Variants in DNM3 observed in about 807,000 individuals in gnomAD.
DNM3 encodes dynamin 3, also known as dynamin-3.
Under a neutral mutation model 101.6 loss-of-function variants are expected in DNM3, and 47 were observed. That is an observed-to-expected ratio of 0.46 (90% CI 0.37 to 0.59). The LOEUF (loss-of-function observed/expected upper bound fraction) is 0.59. Ranked by LOEUF, DNM3 falls within the 20% of genes least tolerant of loss-of-function variation. The pLI is 0.00. For synonymous variants in DNM3, 385 were observed against 387.9 expected, an observed-to-expected ratio of 0.99 and a Z score of 0.09; for missense variants, 849 against 1,085.7, an observed-to-expected ratio of 0.78 and a Z score of 3.06.
At chr1:172,314,564 A>T (rs1424070245) in intron 16 of DNM3, among the ~76,000 whole-genome samples, 1 of 152,198 alleles carries the variant, frequency 6.6e-6, no homozygotes, top group Non-Finnish European at 1.5e-5. Context: ...GGGCTTAGGA[A>T]ACGGTGCACC....
At chr1:172,060,274 A>C (rs1301163960) in intron 10 of DNM3, among the ~76,000 whole-genome samples, 2 of 124,596 alleles carry the variant, frequency 1.6e-5, no homozygotes, top group Non-Finnish European at 1.6e-5. Flanking sequence ...ATACTGCCCA[A>C]GGTAATTCAC....
intron 2 of DNM3, among the ~76,000 whole-genome samples, chr1:171,959,433 T>A (rs1382762543): frequency 6.6e-6 from 1 of 152,146 alleles, no homozygotes; most frequent in Non-Finnish European, 1.5e-5. Context: ...ACTAGAGGTT[T>A]ATTCAGGAAC....
chr1:171,894,901 C>T (rs1421653397), intron 1 of DNM3, among the ~76,000 whole-genome samples: 2 of 151,896 alleles, frequency 1.3e-5, no homozygotes, highest in Non-Finnish European at 2.9e-5. Flanking sequence ...TCCATTCTGC[C>T]CTTGTGATAG....
In DNM3 at chr1:172,310,386, T is replaced by A. The variant is rs1573408283; in HGVS notation, c.1881+1547T>A. ...ACAGAGGTGAACAATAGCAATAAAG[T>A]CCTGCCCCCACTGGAGCAGACATTA... On this transcript the variant is annotated intron_variant, in intron 16 of 20. Transcript: ENST00000627582. 2.6e-5 allele frequency: 4 copies of A among 152,202 alleles called. No homozygotes were observed. The South Asian group carries it at 6.2e-4, about 24-fold the overall frequency. 9.4% of individuals were successfully genotyped at this position (152,202 alleles called of 1,614,324 possible).
chr1:172,239,800 CT>C (rs71107343), intron 14 of DNM3, among the ~76,000 whole-genome samples: 40 of 108,380 alleles, frequency 3.7e-4, no homozygotes, highest in Admixed American at 1.1e-3. Flanking sequence ...TTTTTTTTCT[CT>C]TTTTTTTTTT....
At chr1:172,319,552 T>C (rs913333941) in intron 16 of DNM3, among the ~76,000 whole-genome samples, 2 of 151,738 alleles carry the variant, frequency 1.3e-5, no homozygotes, top group Non-Finnish European at 1.5e-5. Context: ...ACAAACAACC[T>C]CATCAAAAAG....
intron 11 of DNM3, among the ~76,000 whole-genome samples, chr1:172,073,691 C>T (rs1292354692): frequency 6.6e-6 from 1 of 152,146 alleles, no homozygotes; most frequent in African/African-American, 2.4e-5. Flanking sequence ...CAAATACTCA[C>T]AATAGTCACC....
chr1:172,194,526 T>C (rs565291702), intron 14 of DNM3, among the ~76,000 whole-genome samples: 16 of 152,272 alleles, frequency 1.1e-4, no homozygotes, highest in Admixed American at 2.0e-4. Flanking sequence ...AGGACTTGCT[T>C]TATGAATCTG....
At chr1:172,237,690 T>A (rs1455718287) in intron 14 of DNM3, among the ~76,000 whole-genome samples, 1 of 152,188 alleles carries the variant, frequency 6.6e-6, no homozygotes, top group Non-Finnish European at 1.5e-5. Context: ...GAAAATTCTT[T>A]TATTTTACAT....
At chr1:172,166,050 G>C (rs914870157) in intron 14 of DNM3, among the ~76,000 whole-genome samples, 12 of 152,020 alleles carry the variant, frequency 7.9e-5, no homozygotes, top group Non-Finnish European at 1.5e-4. Context: ...ATTGCATCCT[G>C]TCCTAATCAC....
intron 4 of DNM3, among the ~76,000 whole-genome samples, chr1:172,001,875 G>C (rs1258713108): frequency 1.6e-4 from 25 of 151,938 alleles, no homozygotes; most frequent in Admixed American, 1.6e-3. Flanking sequence ...AAATCCATGG[G>C]TGATGTAAAC....
intron 4 of DNM3, among the ~76,000 whole-genome samples, chr1:172,031,508 C>T (rs58346902): frequency 0.018 from 2,172 of 118,000 alleles, 44 homozygotes; most frequent in African/African-American, 0.063. Flanking sequence ...CCACGGCACT[C>T]GTATACCTAT....
At chr1:172,229,399 G>A (rs533726499) in intron 14 of DNM3, among the ~76,000 whole-genome samples, 6 of 152,154 alleles carry the variant, frequency 3.9e-5, no homozygotes, top group South Asian at 4.2e-4. Context: ...CAATCAAATG[G>A]CAATTAAATA....
chr1:171,860,873 TC>T (rs2034103767), intron 1 of DNM3, among the ~76,000 whole-genome samples: 5 of 152,116 alleles, frequency 3.3e-5, no homozygotes, highest in African/African-American at 1.2e-4. Flanking sequence ...TGTTGCCATT[TC>T]CTGTAGTGGG....
intron 14 of DNM3, among the ~76,000 whole-genome samples, chr1:172,233,002 T>C (rs934563225): frequency 2.0e-5 from 3 of 151,956 alleles, no homozygotes; most frequent in Non-Finnish European, 4.4e-5. Context: ...AGCAAACACA[T>C]TCAAAAGCTA....
downstream of DNM3, among the ~76,000 whole-genome samples, chr1:172,413,697 C>T (rs887658642): frequency 6.6e-6 from 1 of 152,142 alleles, no homozygotes; most frequent in African/African-American, 2.4e-5. Flanking sequence ...ATGCAGAAGA[C>T]AAGAAGGTGA....
chr1:172,059,987 C>A (rs1396101014), intron 10 of DNM3, among the ~76,000 whole-genome samples: 1 of 150,854 alleles, frequency 6.6e-6, no homozygotes, highest in East Asian at 2.0e-4. Flanking sequence ...TGATAAGCAA[C>A]TTCAGCAAAG....
chr1:172,084,511 CT>C (rs1382619669), intron 12 of DNM3, among the ~76,000 whole-genome samples: 16 of 152,014 alleles, frequency 1.1e-4, no homozygotes, highest in Admixed American at 6.6e-4. Flanking sequence ...TGTATGTCGA[CT>C]TGGAATTGAC....
chr1:172,078,895 T>C (rs1020633545), intron 11 of DNM3, among the ~76,000 whole-genome samples: 1 of 152,230 alleles, frequency 6.6e-6, no homozygotes, highest in Non-Finnish European at 1.5e-5. Context: ...TTAGTTTAGC[T>C]GGACATGAAA....
Sources: allele counts gnomAD v4.1 joint callset (sites outside exome capture counted in the v4.1 genomes callset), GRCh38; gene constraint gnomAD v4.1.1; transcripts MANE v1.5; gene names NCBI Gene and HGNC (gene_info 2026-07-23, HGNC 2026-07-21).